Variants in UGDH observed in about 807,000 individuals in gnomAD.
The protein encoded by UGDH is UDP-Glc dehydrogenase.
A neutral mutation model predicts 50.6 loss-of-function variants in UGDH; 38 were observed. The observed-to-expected ratio is 0.75, with a 90% confidence interval of 0.58 to 0.98. The LOEUF is 0.98. Among genes scored for constraint, UGDH ranks in the 50% least tolerant of loss-of-function variants. The pLI, the probability that UGDH is intolerant of heterozygous loss-of-function variation, is 0.00. For missense variants in UGDH, 465 were observed against 606.2 expected (o/e 0.77, Z 2.45); for synonymous variants, 168 against 199.9 (o/e 0.84, Z 1.35).
intron 5 of UGDH, 102 bp from the exon 6 acceptor site, chr4:39,510,009 T>A: frequency 7.5e-7 from 1 of 1,326,098 alleles, no homozygotes; most frequent in African/African-American, 1.5e-5. Context: ...CTGAGGGAGA[T>A]ATATAAGATA....
intron 1 of UGDH, among the ~76,000 whole-genome samples, chr4:39,523,672 C>G (rs112317620): frequency 0.01 from 1,563 of 152,050 alleles, 24 homozygotes; most frequent in African/African-American, 0.034. Flanking sequence ...GGCATGGTGG[C>G]ACATGTCTGT....
intron 2 of UGDH, among the ~76,000 whole-genome samples, chr4:39,520,141 C>A (rs1290425608): frequency 6.6e-6 from 1 of 152,114 alleles, no homozygotes; most frequent in East Asian, 1.9e-4. Flanking sequence ...GAGTTCAAGA[C>A]CACCCTGGCC....
At chr4:39,516,973 A>G (rs1460872845) in intron 2 of UGDH, among the ~76,000 whole-genome samples, 1 of 152,212 alleles carries the variant, frequency 6.6e-6, no homozygotes, top group Non-Finnish European at 1.5e-5. Flanking sequence ...GAAGACTTAC[A>G]TAATTATATT....
At chr4:39,500,446 G>C (rs953403487) in intron 11 of UGDH, among the ~76,000 whole-genome samples, 193 bp from the exon 12 acceptor site, 1 of 151,896 alleles carries the variant, frequency 6.6e-6, no homozygotes, top group South Asian at 2.1e-4. Flanking sequence ...GTACTCCATC[G>C]TAATATTCAT....
chr4:39,526,554 G>A (rs968656939), intron 1 of UGDH: 1 of 154,882 alleles, frequency 6.5e-6, no homozygotes. Flanking sequence ...CTACTGCTCT[G>A]TATGCCCATG....
chr4:39,522,642 GC>G (rs1427899283), intron 1 of UGDH, among the ~76,000 whole-genome samples: 3 of 152,120 alleles, frequency 2.0e-5, no homozygotes, highest in Non-Finnish European at 4.4e-5. Flanking sequence ...AAGAAAATGA[GC>G]TGACTAATCC....
rs768697505 is a variant in UGDH at position 39,510,343 on chromosome 4, A to G, written c.663+10T>C. On this transcript the variant is annotated intron_variant, in intron 5 of 11. Coordinates refer to ENST00000316423, the MANE Select transcript of UGDH (RefSeq NM_003359.4). The stretch of plus-strand genomic sequence containing the variant: ...TTAATTTAATGAAGAGTTGAATGCT[A>G]TATACTAACCAGTTTGGAAAGCTCT... 50 of 1,613,896 alleles carry G rather than the reference A, an allele frequency of 3.1e-5. No individual in the cohort carries two copies. Among genetic ancestry groups the G allele is most frequent in the Non-Finnish European group, 2.4e-5 (28 of 1,179,860 alleles).
At chr4:39,521,069 CA>C (rs1179305904) in intron 2 of UGDH, among the ~76,000 whole-genome samples, 1,018 of 80,028 alleles carry the variant, frequency 0.013, 10 homozygotes, top group African/African-American at 0.034. Flanking sequence ...GACTCCGTCT[CA>C]AAAAAAAAAA....
intron 2 of UGDH, among the ~76,000 whole-genome samples, chr4:39,521,069 CAAAAAAA>C (rs1179305904): frequency 5.5e-4 from 44 of 80,058 alleles, no homozygotes; most frequent in African/African-American, 1.5e-3. Context: ...GACTCCGTCT[CAAAAAAA>C]AAAAAAAAAA....
chr4:39,523,793 C>T (rs369308188), intron 1 of UGDH, among the ~76,000 whole-genome samples: 15 of 143,880 alleles, frequency 1.0e-4, no homozygotes, highest in South Asian at 4.3e-4. Flanking sequence ...GCAACAAGCA[C>T]GAAACTCCAT....
chr4:39,510,892 G>C, intron 3 of UGDH, 31 bp from the exon 4 acceptor site: 2 of 1,610,546 alleles, frequency 1.2e-6, no homozygotes, highest in African/African-American at 1.3e-5. Flanking sequence ...AAAGAACAGA[G>C]TGCCTGTGAG....
intron 2 of UGDH, among the ~76,000 whole-genome samples, chr4:39,521,014 G>A (rs903643664): frequency 1.4e-5 from 2 of 148,122 alleles, no homozygotes; most frequent in Non-Finnish European, 3.0e-5. Flanking sequence ...GTGTTGCCGT[G>A]AGCTGAGCTC....
Position 39,510,420 on chromosome 4 carries a change from T to C in UGDH, c.596A>G (p.Tyr199Cys). The change falls in exon 5 of 12, where the codon TAT becomes TGT. Residue 199 changes from tyrosine (Y) to cysteine (C), a missense_variant. Coordinates refer to ENST00000316423, the MANE Select transcript of UGDH (RefSeq NM_003359.4). ...QRAVQALCAV[Y>C]EHWVPREKIL... is the part of the protein sequence containing the mutation. ...CTTTTCTCTGGGAACCCAGTGCTCA[T>C]ATACAGCACACAGGGCCTGCACAGC... 1 of 1,614,206 alleles carries C rather than the reference T, an allele frequency of 6.2e-7. No individual in the cohort carries two copies. Among genetic ancestry groups the C allele is most frequent in the African/African-American group, 1.3e-5 (1 of 75,056 alleles).
In UGDH at chr4:39,500,266, T is replaced by A. The variant is rs773469285; in HGVS notation, c.1375-13A>T. The A allele has an allele frequency of 1.3e-5, 20 of 1,502,156 alleles. No individual in the cohort carries two copies. The highest frequency in any genetic ancestry group is 5.6e-5 in the African/African-American group (4 of 71,734). 93.1% of individuals were successfully genotyped at this position (1,502,156 alleles called of 1,614,324 possible). A position where few individuals can be genotyped will look rare whatever the true frequency, so the allele number is the denominator to read the frequency against. The stretch of plus-strand genomic sequence containing the variant: ...CAATTGTTTCAATCTGAAAAAAAAA[T>A]AAAATTTAAGAGAACTATTAACAAT... On this transcript the variant is annotated splice_polypyrimidine_tract_variant and intron_variant, in intron 11 of 11. Transcript: ENST00000316423.
Position 39,521,494 on chromosome 4 carries a change from T to A in UGDH, c.19A>T (p.Ile7Phe), listed in dbSNP as rs761771847. The change falls in exon 2 of 12, where the codon ATC becomes TTC. Residue 7 changes from isoleucine to phenylalanine, a missense_variant. Ile to Phe is a conservative substitution (Grantham distance 21). Transcript: ENST00000316423. MFEIKKICCIGAGYVGG... is the reference protein window; with the variant it reads MFEIKKFCCIGAGYVGG... Reference sequence around the variant, plus strand: ...ACATAGCCTGCACCGATGCAACAGATCTTCTTAATTTCAAACATGATTGTA... The same window carrying A: ...ACATAGCCTGCACCGATGCAACAGAACTTCTTAATTTCAAACATGATTGTA... 6.3e-6 allele frequency: 10 copies of A among 1,599,286 alleles called. No homozygotes were observed. The highest frequency in any genetic ancestry group is 8.5e-6 in the Non-Finnish European group (10 of 1,173,790).
At chr4:39,527,109 C>T in intron 1 of UGDH, 174 bp downstream of exon 1, 1 of 1,289,174 alleles carries the variant, frequency 7.8e-7, no homozygotes, top group Non-Finnish European at 1.0e-6. Context: ...TTCCAAAATG[C>T]GGTTCCCGCC....
chr4:39,510,240 T>C, intron 5 of UGDH, 113 bp downstream of exon 5: 1 of 1,100,332 alleles, frequency 9.1e-7, no homozygotes, highest in Non-Finnish European at 1.3e-6. Context: ...AATATGATCT[T>C]CAAAAGCATA....
intron 11 of UGDH, 130 bp from the exon 12 acceptor site, chr4:39,500,383 T>C: frequency 3.6e-6 from 2 of 563,288 alleles, no homozygotes; most frequent in South Asian, 6.4e-5. Context: ...TTGTCTGAGT[T>C]GCTATGAGAG....
At position 39,499,848 on chromosome 4, in the gene UGDH, G is replaced by C. The variant is rs1019139894; in HGVS notation, c.*295C>G. On this transcript the variant is annotated 3_prime_UTR_variant, in exon 12 of 12. Transcript: ENST00000316423. ...GATTGAGACCATCCTGGCTCACATG[G>C]TGAAACCCTGTCTCTACTAAAAATA... 16 of 202,332 alleles carry C rather than the reference G, an allele frequency of 7.9e-5. No homozygotes were observed. The highest frequency in any genetic ancestry group is 7.5e-4 in the Admixed American group (14 of 18,702). The allele number at this position is 202,332 out of a possible 1,614,324, so 12.5% of individuals were successfully genotyped here. A position where few individuals can be genotyped will look rare whatever the true frequency, so the allele number is the denominator to read the frequency against.
Sources: allele counts gnomAD v4.1 joint callset (sites outside exome capture counted in the v4.1 genomes callset), GRCh38; gene constraint gnomAD v4.1.1; transcripts MANE v1.5; gene names NCBI Gene and HGNC (gene_info 2026-07-23, HGNC 2026-07-21).